FMN2: variants seen among roughly 807,000 people sequenced by gnomAD.
FMN2 encodes formin-2.
In FMN2, 51 loss-of-function variants were observed where a neutral mutation model predicts 142.3. That is an observed-to-expected ratio of 0.36 (90% CI 0.29 to 0.45). The LOEUF is 0.45. FMN2 is among the 20% of genes least tolerant of loss of function. The pLI is 1.00. For missense variants in FMN2, 1,936 were observed against 2,122.8 expected, an observed-to-expected ratio of 0.91 and a Z score of 1.73; for synonymous variants, 882 against 869.8, an observed-to-expected ratio of 1.01 and a Z score of -0.25.
chr1:240,276,686 G>A (rs892556765), intron 7 of FMN2, among the ~76,000 whole-genome samples: 6 of 152,016 alleles, frequency 3.9e-5, no homozygotes, highest in Admixed American at 1.3e-4. Flanking sequence ...CCCTCATGGT[G>A]CAGACTACAC....
chr1:240,143,538 A>AACGTGGAGCAGCTGCTGCAC, intron 2 of FMN2: 2 of 1,595,940 alleles, frequency 1.3e-6, no homozygotes, highest in Non-Finnish European at 1.7e-6. Context: ...GTTCGCTGCA[A>AACGTGGAGCAGCTGCTGCAC]ACGTGGAGCA....
intron 16 of FMN2, among the ~76,000 whole-genome samples, chr1:240,456,146 A>T (rs1399321580): frequency 6.6e-6 from 1 of 152,158 alleles, no homozygotes; most frequent in African/African-American, 2.4e-5. Flanking sequence ...GGGGATAATT[A>T]TTATAATATA....
intron 2 of FMN2, among the ~76,000 whole-genome samples, chr1:240,156,001 G>A (rs1664010248): frequency 1.3e-5 from 2 of 151,834 alleles, no homozygotes; most frequent in African/African-American, 4.8e-5. Flanking sequence ...CACTTTAGGA[G>A]CCTGAGGCAG....
rs1229861778 is a variant in FMN2 at position 240,207,511 on chromosome 1, C to T, written c.2699C>T (p.Pro900Leu). ...CCCAGTACAGCCATTCCCCAACCTCCTCCTCTGCAGGGTACAGAAATGCTG... is the reference window on the plus strand; with the variant it reads ...CCCAGTACAGCCATTCCCCAACCTCTTCCTCTGCAGGGTACAGAAATGCTG... ...TLPSTAIPQPPPLQGTEMLPP... is the reference protein window; with the variant it reads ...TLPSTAIPQPLPLQGTEMLPP... Residue 900 changes from proline (P) to leucine (L), a missense_variant, in exon 5 of 18, where the codon CCT becomes CTT. Coordinates refer to ENST00000319653, the MANE Select transcript of FMN2 (RefSeq NM_020066.5). 2.5e-6 allele frequency: 4 copies of T among 1,613,606 alleles called. No individual in the cohort carries two copies. The South Asian group carries it at 3.3e-5, about 13-fold the overall frequency.
At chr1:240,440,924 C>G (rs1422748576) in intron 16 of FMN2, among the ~76,000 whole-genome samples, 1 of 151,654 alleles carries the variant, frequency 6.6e-6, no homozygotes, top group African/African-American at 2.4e-5. Flanking sequence ...CCACAGAGCC[C>G]TTCTAAGGGT....
chr1:240,315,743 G>A (rs896083613), intron 8 of FMN2, among the ~76,000 whole-genome samples: 3 of 152,162 alleles, frequency 2.0e-5, no homozygotes, highest in Non-Finnish European at 4.4e-5. Context: ...AGAAAGATCT[G>A]TGGAGCTGTA....
At chr1:240,274,793 G>T (rs917742964) in intron 7 of FMN2, among the ~76,000 whole-genome samples, 20 of 152,214 alleles carry the variant, frequency 1.3e-4, no homozygotes, top group African/African-American at 4.1e-4. Context: ...ACAGGTTTTG[G>T]TGATGTAGAC....
At chr1:240,176,821 CTA>C (rs1488923953) in intron 2 of FMN2, among the ~76,000 whole-genome samples, 1 of 152,202 alleles carries the variant, frequency 6.6e-6, no homozygotes, top group East Asian at 1.9e-4. Flanking sequence ...AACGCTGAGG[CTA>C]ACCCCAGGAA....
chr1:240,341,409 A>G (rs760060085), intron 13 of FMN2: 1 of 152,164 alleles, frequency 6.6e-6, no homozygotes, highest in African/African-American at 2.4e-5. Flanking sequence ...TGTCAAGTTC[A>G]CAGTTACAGA....
At position 240,393,171 on chromosome 1, in the gene FMN2, ATTT is replaced by A. The variant is rs61633161; in HGVS notation, c.4910+619_4910+621del. ...TTTGCTGTGCTTTGCAGATAAGTGT[ATTT>A]TTTTTTTTTCACAAATTGAAGGTTT... On this transcript the variant is annotated intron_variant, in intron 15 of 17. Coordinates refer to ENST00000319653, the MANE Select transcript of FMN2 (RefSeq NM_020066.5). Among the ~76,000 whole-genome samples the A allele has an allele frequency of 6.5e-3, 970 of 149,936 alleles. 11 individuals are homozygous for A. Among genetic ancestry groups the A allele is most frequent in the African/African-American group, 0.023 (938 of 41,192 alleles).
intron 16 of FMN2, among the ~76,000 whole-genome samples, chr1:240,442,349 C>T (rs1475359957): frequency 2.0e-5 from 3 of 152,194 alleles, no homozygotes; most frequent in Admixed American, 6.5e-5. Context: ...TCTGGATCAG[C>T]CCTGGTGGTA....
At chr1:240,132,707 C>T (rs575764319) in intron 2 of FMN2, among the ~76,000 whole-genome samples, 1 of 152,138 alleles carries the variant, frequency 6.6e-6, no homozygotes, top group East Asian at 1.9e-4. Flanking sequence ...GTGATACGGG[C>T]TTTGGAAGTG....
At chr1:240,101,766 C>A (rs1445784408) in intron 1 of FMN2, among the ~76,000 whole-genome samples, 1 of 148,116 alleles carries the variant, frequency 6.8e-6, no homozygotes, top group Non-Finnish European at 1.5e-5. Context: ...AGGCTGGTCT[C>A]GATAGGGCCT....
At chr1:240,328,251 C>G (rs1013599447) in intron 8 of FMN2, among the ~76,000 whole-genome samples, 10 of 150,746 alleles carry the variant, frequency 6.6e-5, no homozygotes, top group Admixed American at 1.3e-4. Flanking sequence ...TATTTTCCCC[C>G]AAGTACAAAA....
Position 240,434,728 on chromosome 1 carries a change from ATT to A in FMN2, c.4911-3317_4911-3316del, listed in dbSNP as rs34969961. Among the ~76,000 whole-genome samples the A allele has an allele frequency of 1.8e-3, 230 of 130,712 alleles. 2 individuals are homozygous for A. The highest frequency in any genetic ancestry group is 0.012 in the Middle Eastern group (3 of 250). The allele number at this position is 130,712 out of a possible 152,430, so 85.8% of individuals were successfully genotyped here. A position where few individuals can be genotyped will look rare whatever the true frequency, so the allele number is the denominator to read the frequency against. On this transcript the variant is annotated intron_variant, in intron 15 of 17. Transcript: ENST00000319653. ...AGGCACCCACAACCACACCCTGCTAATTTTTTTTTTTTTTTTTGTATTTTTAG... is the reference window on the plus strand; with the variant it reads ...AGGCACCCACAACCACACCCTGCTAATTTTTTTTTTTTTTTGTATTTTTAG...
chr1:240,391,757 A>G (rs1673611542), intron 14 of FMN2, among the ~76,000 whole-genome samples: 1 of 152,004 alleles, frequency 6.6e-6, no homozygotes, highest in African/African-American at 2.4e-5. Flanking sequence ...ACATATATTA[A>G]TATGTATGGA....
At chr1:240,170,256 C>T (rs899987915) in intron 2 of FMN2, 26 of 1,217,376 alleles carry the variant, frequency 2.1e-5, no homozygotes, top group African/African-American at 1.9e-4. Context: ...AGGTGGCACC[C>T]CTAAAGGCTC....
intron 4 of FMN2, among the ~76,000 whole-genome samples, chr1:240,206,588 G>A (rs1251298842): frequency 6.6e-6 from 1 of 152,004 alleles, no homozygotes; most frequent in African/African-American, 2.4e-5. Context: ...GACAGATGTG[G>A]ACTTAAGATT....
chr1:240,369,581 A>G (rs938248891), intron 14 of FMN2, among the ~76,000 whole-genome samples: 21 of 152,066 alleles, frequency 1.4e-4, no homozygotes, highest in Non-Finnish European at 1.3e-4. Flanking sequence ...TGTCTGTGTG[A>G]ACATATCTTT....
Sources: allele counts gnomAD v4.1 joint callset (sites outside exome capture counted in the v4.1 genomes callset), GRCh38; gene constraint gnomAD v4.1.1; transcripts MANE v1.5; gene names NCBI Gene and HGNC (gene_info 2026-07-23, HGNC 2026-07-21).